RHOU: variants seen among roughly 807,000 people sequenced by gnomAD.
The protein encoded by RHOU is ras homolog family member U.
A neutral mutation model predicts 12.6 loss-of-function variants in RHOU; 8 were observed. The ratio of observed to expected loss-of-function variants is 0.64; its 90% CI spans 0.37 to 1.15. RHOU has a LOEUF of 1.15. RHOU is among the 50% of genes most tolerant of loss of function. The pLI, the probability that RHOU is intolerant of heterozygous loss-of-function variation, is 0.01. For missense variants in RHOU, 258 were observed against 347.0 expected (o/e 0.74, Z 2.04); for synonymous variants, 161 against 147.4 (o/e 1.09, Z -0.67).
the RHOU span, among the ~76,000 whole-genome samples, chr1:228,679,450 G>A: frequency 4.1e-5 from 6 of 145,866 alleles, no homozygotes; most frequent in Non-Finnish European, 7.5e-5. Context: ...AGGATTTATG[G>A]GGTCAGCTAG....
the RHOU span, among the ~76,000 whole-genome samples, chr1:228,708,913 C>A: frequency 6.6e-6 from 1 of 152,110 alleles, no homozygotes; most frequent in Non-Finnish European, 1.5e-5. Flanking sequence ...TCAGGAAACC[C>A]ATCTCATGGG....
chr1:228,683,763 G>A, the RHOU span, among the ~76,000 whole-genome samples: 1 of 152,222 alleles, frequency 6.6e-6, no homozygotes, highest in East Asian at 1.9e-4. Flanking sequence ...AGCCAGAGTT[G>A]CACGGTTTCA....
chr1:228,675,044 T>C, the RHOU span, among the ~76,000 whole-genome samples: 1 of 152,228 alleles, frequency 6.6e-6, no homozygotes, highest in Non-Finnish European at 1.5e-5. Flanking sequence ...TATTATATTC[T>C]AAGAACCTTT....
the RHOU span, among the ~76,000 whole-genome samples, chr1:228,709,171 G>C: frequency 1.3e-5 from 2 of 152,074 alleles, no homozygotes; most frequent in South Asian, 4.2e-4. Flanking sequence ...AGTCCTGAGT[G>C]ACCTATAAGG....
In RHOU at chr1:228,743,755, C is replaced by T. The variant is rs1416326185; in HGVS notation, c.*15C>T. On this transcript the variant is annotated 3_prime_UTR_variant, in exon 3 of 3. Coordinates refer to ENST00000366691, the MANE Select transcript of RHOU (RefSeq NM_021205.6). This position sits in a 1 kb window ranked among gnomAD's most constrained non-coding sequence, Gnocchi z 5.1. ...GTTTCGTATGATGCTGGCAAGACAC[C>T]CAGAAAGGCTATTTTCAGATGAAAT... 2 of 1,590,868 alleles carry T rather than the reference C, an allele frequency of 1.3e-6. No homozygotes were observed. Among genetic ancestry groups the T allele is most frequent in the Non-Finnish European group, 1.7e-6 (2 of 1,168,910 alleles).
the RHOU span, among the ~76,000 whole-genome samples, chr1:228,696,232 TAA>T: frequency 7.0e-6 from 1 of 142,922 alleles, no homozygotes; most frequent in African/African-American, 2.5e-5. Flanking sequence ...GGTATACAAT[TAA>T]AAAAAAAAAA....
chr1:228,715,304 C>A, the RHOU span, among the ~76,000 whole-genome samples: 1 of 151,940 alleles, frequency 6.6e-6, no homozygotes, highest in Non-Finnish European at 1.5e-5. Flanking sequence ...TATTCTGATA[C>A]ACTGTGTTTT....
the RHOU span, among the ~76,000 whole-genome samples, chr1:228,720,533 T>G: frequency 3.0e-3 from 459 of 152,216 alleles, no homozygotes; most frequent in African/African-American, 0.01. Context: ...GGTGTCCTCA[T>G]GAGAAGAGGA....
chr1:228,707,566 C>A, the RHOU span, among the ~76,000 whole-genome samples: 47 of 151,680 alleles, frequency 3.1e-4, no homozygotes, highest in South Asian at 1.0e-3. Context: ...CTCACACGGC[C>A]GGGTACTCCA....
At chr1:228,725,511 G>GT in the RHOU span, among the ~76,000 whole-genome samples, 1 of 152,154 alleles carries the variant, frequency 6.6e-6, no homozygotes, top group African/African-American at 2.4e-5. Context: ...GAGCCCATTA[G>GT]AGCAGCAACA....
At chr1:228,663,788 A>G in the RHOU span, among the ~76,000 whole-genome samples, 1 of 149,914 alleles carries the variant, frequency 6.7e-6, no homozygotes, top group Non-Finnish European at 1.5e-5. Context: ...GCGCGACACC[A>G]TACCTGGCTA....
the RHOU span, among the ~76,000 whole-genome samples, chr1:228,652,973 A>G: frequency 6.6e-6 from 1 of 152,172 alleles, no homozygotes; most frequent in Non-Finnish European, 1.5e-5. Context: ...GAGTATACTT[A>G]TTTTTAATGG....
the RHOU span, among the ~76,000 whole-genome samples, chr1:228,713,124 T>C: frequency 6.6e-6 from 1 of 152,174 alleles, no homozygotes. Context: ...GTGATGTGTC[T>C]TTTTTATGCT....
the RHOU span, among the ~76,000 whole-genome samples, chr1:228,705,896 T>G: frequency 6.6e-6 from 1 of 151,962 alleles, no homozygotes; most frequent in Non-Finnish European, 1.5e-5. Context: ...ATACAAAAAA[T>G]TAGCCGGGCA....
At chr1:228,647,659 C>G in the RHOU span, among the ~76,000 whole-genome samples, 2 of 152,302 alleles carry the variant, frequency 1.3e-5, no homozygotes, top group East Asian at 3.9e-4. Flanking sequence ...GCACCGCGAA[C>G]GGCAGGGAAT....
rs1464243701 is a variant in RHOU, at chr1:228,744,230, GC to G, written c.*491del. 3 of 152,214 alleles carry G rather than the reference GC, an allele frequency of 2.0e-5. No homozygotes were observed. The highest frequency in any genetic ancestry group is 4.4e-5 in the Non-Finnish European group (3 of 68,214). The allele number at this position is 152,214 out of a possible 1,614,324, so 9.4% of individuals were successfully genotyped here. A position where few individuals can be genotyped will look rare whatever the true frequency, so the allele number is the denominator to read the frequency against. On this transcript the variant is annotated 3_prime_UTR_variant, in exon 3 of 3. Transcript: ENST00000366691. ...GCAAACCATGCCTTTTTTTTAAGGA[GC>G]AAAAATCTGAGAAAAAAAGTGAGAG...
upstream of RHOU, among the ~76,000 whole-genome samples, chr1:228,734,842 G>T (rs1048096944): frequency 6.6e-6 from 1 of 152,126 alleles, no homozygotes; most frequent in African/African-American, 2.4e-5. Context: ...GGAATTGGGG[G>T]TATAAAAAAA....
chr1:228,678,556 T>C, the RHOU span, among the ~76,000 whole-genome samples: 6 of 152,126 alleles, frequency 3.9e-5, no homozygotes, highest in African/African-American at 1.4e-4. Flanking sequence ...TAAGAAGAGT[T>C]TTTATTAAAG....
chr1:228,696,708 T>A, the RHOU span, among the ~76,000 whole-genome samples: 34 of 152,046 alleles, frequency 2.2e-4, no homozygotes, highest in Admixed American at 2.1e-3. Flanking sequence ...CCACCATGCC[T>A]GGCTAATTTT....
Sources: gnomAD v4.1 joint callset for allele counts (sites outside exome capture counted in the v4.1 genomes callset) on GRCh38, gnomAD v4.1.1 for gene constraint, Gnocchi (gnomAD v3.1) non-coding constraint, MANE v1.5 for transcripts, NCBI Gene and HGNC (gene_info 2026-07-23, HGNC 2026-07-21) for gene names.